C1orf167: variants seen among roughly 807,000 people sequenced by gnomAD.
C1orf167 encodes chromosome 1 open reading frame 167.
In C1orf167, 153 loss-of-function variants were observed where a neutral mutation model predicts 176.5. The observed-to-expected ratio is 0.87, with a 90% CI of 0.76 to 0.99. The LOEUF is 0.99. C1orf167 is among the 50% of genes least tolerant of loss of function. The pLI, the probability that C1orf167 is intolerant of heterozygous loss-of-function variation, is 0.00. For missense variants in C1orf167, 1,490 were observed against 1,817.7 expected (o/e 0.82, Z 3.28); for synonymous variants, 594 against 752.7 (o/e 0.79, Z 3.45).
At chr1:11,783,264 T>A (rs1019902285) in intron 14 of C1orf167, among the ~76,000 whole-genome samples, 1 of 152,034 alleles carries the variant, frequency 6.6e-6, no homozygotes, top group African/African-American at 2.4e-5. Context: ...GTTTGTTTTT[T>A]GAGACAGAGT....
Position 11,785,249 on chromosome 1 carries a change from T to C in C1orf167, c.3527T>C (p.Val1176Ala), listed in dbSNP as rs1570437495. 5.4e-6 allele frequency: 7 copies of C among 1,290,640 alleles called. No homozygotes were observed. The highest frequency in any genetic ancestry group is 7.1e-6 in the Non-Finnish European group (7 of 988,228). 79.9% of individuals were successfully genotyped at this position (1,290,640 alleles called of 1,614,324 possible). ...PAELRRFLRT[V>A]QLRVRLGLPG... Reference sequence around the variant, plus strand: ...GAGCTCAGGCGCTTCCTGCGGACAGTGCAGCTCAGGGTGCGGCTGGGACTG... The same window carrying C: ...GAGCTCAGGCGCTTCCTGCGGACAGCGCAGCTCAGGGTGCGGCTGGGACTG... The change falls in exon 16 of 21, where the codon GTG (valine) becomes GCG (alanine). Residue 1176 changes from valine (V) to alanine (A), a missense_variant. Transcript: ENST00000688073.
rs1445673588 is a variant in C1orf167, at chr1:11,767,020, C to T, written c.1234C>T (p.His412Tyr). Reference protein sequence around the residue: ...GEEGAPRERVHREEERTAFHL... With the variant: ...GEEGAPRERVYREEERTAFHL... ...GGAGGGGGCCCCGAGGGAGCGGGTCCACAGGGAGGAGGAGAGGACAGCTTT... is the reference window on the plus strand; with the variant it reads ...GGAGGGGGCCCCGAGGGAGCGGGTCTACAGGGAGGAGGAGAGGACAGCTTT... The change falls in exon 3 of 21, where the codon CAC (histidine) becomes TAC (tyrosine). Residue 412 changes from histidine (H) to tyrosine (Y), a missense_variant. Coordinates refer to ENST00000688073, the MANE Select transcript of C1orf167 (RefSeq NM_001010881.2). The T allele has an allele frequency of 1.6e-6, 2 of 1,215,934 alleles. No individual in the cohort carries two copies. The highest frequency in any genetic ancestry group is 2.1e-6 in the Non-Finnish European group (2 of 952,384). 75.3% of individuals were successfully genotyped at this position (1,215,934 alleles called of 1,614,324 possible). A position where few individuals can be genotyped will look rare whatever the true frequency, so the allele number is the denominator to read the frequency against.
chr1:11,771,486 C>T (rs72638684), intron 6 of C1orf167, 38 bp from the exon 7 acceptor site: 134,183 of 1,257,002 alleles, frequency 0.11, 7,686 homozygotes, highest in South Asian at 0.17. Flanking sequence ...CCCTTCCTCC[C>T]GGGTCATCAG....
chr1:11,777,799 C>T (rs953753833), intron 10 of C1orf167: 6 of 152,244 alleles, frequency 3.9e-5, no homozygotes, highest in Non-Finnish European at 8.8e-5. Flanking sequence ...ATGCCTGCCC[C>T]ACAACCCCCA....
chr1:11,771,081 T>A (rs1441368140), intron 6 of C1orf167, among the ~76,000 whole-genome samples: 2,309 of 111,298 alleles, frequency 0.021, 81 homozygotes, highest in South Asian at 0.07. Context: ...TTTTTTTTTT[T>A]TTTTTTTTTT....
At position 11,768,890 on chromosome 1, in the gene C1orf167, C is replaced by G. The variant is rs6540998; in HGVS notation, c.1543-83C>G. 0.012 allele frequency: 11,056 copies of G among 937,586 alleles called. 894 individuals are homozygous for G. The African/African-American group carries it at 0.18, about 15-fold the overall frequency. 58.1% of individuals were successfully genotyped at this position (937,586 alleles called of 1,614,324 possible). A position where few individuals can be genotyped will look rare whatever the true frequency, so the allele number is the denominator to read the frequency against. ...TGTGGAATCTGATAGGCATGTGTTA[C>G]TCCTGTCCCCGCCCCTGCCTGGTGT... On this transcript the variant is annotated intron_variant, in intron 5 of 20. Coordinates refer to ENST00000688073, the MANE Select transcript of C1orf167 (RefSeq NM_001010881.2). The surrounding 1 kb of genome is among the most constrained non-coding windows in gnomAD (Gnocchi z 4.5).
chr1:11,779,447 T>A (rs1317498399), intron 12 of C1orf167: 1 of 226,664 alleles, frequency 4.4e-6, no homozygotes, highest in East Asian at 1.2e-4. Context: ...AAAATGGGGT[T>A]AATAGTACTG....
At position 11,787,921 on chromosome 1, in the gene C1orf167, G is replaced by C; in HGVS notation, c.3722G>C (p.Trp1241Ser). The change falls in exon 18 of 21, where the codon TGG (tryptophan) becomes TCG (serine). Residue 1241 changes from tryptophan (W) to serine (S), a missense_variant. By Grantham distance (177) the Trp-to-Ser change is radical. Transcript: ENST00000688073. The stretch of plus-strand genomic sequence containing the variant: ...CCTGCCTTCCAGCTCTGGCCACAGT[G>C]GCCTGGACAGAGTAGCTGGGTCCCA... Reference protein sequence around the residue: ...LCPAFQLWPQWPGQSSWVPGL... With the variant: ...LCPAFQLWPQSPGQSSWVPGL... The C allele has an allele frequency of 7.7e-7, 1 of 1,299,686 alleles. No homozygotes were observed. Among genetic ancestry groups the C allele is most frequent in the Non-Finnish European group, 1.0e-6 (1 of 986,448 alleles). 80.5% of individuals were successfully genotyped at this position (1,299,686 alleles called of 1,614,324 possible).
intron 13 of C1orf167, among the ~76,000 whole-genome samples, chr1:11,781,080 C>A (rs942847194): frequency 7.0e-6 from 1 of 143,556 alleles, no homozygotes; most frequent in Non-Finnish European, 1.5e-5. Flanking sequence ...TCACTGCAAC[C>A]TCCACCCCCT....
At chr1:11,784,134 C>G (rs1401921851) in intron 14 of C1orf167, 40 bp from the exon 15 acceptor site, 2 of 1,207,450 alleles carry the variant, frequency 1.7e-6, no homozygotes, top group African/African-American at 3.2e-5. Context: ...GGATTACAAG[C>G]ATGAGCCACC....
rs528195147 is a variant in C1orf167 at position 11,779,838 on chromosome 1, A to G, written c.2688A>G (p.Gln896=). Residue 896 remains glutamine (Q), a synonymous_variant, in exon 13 of 21, where the codon CAA becomes CAG. Transcript: ENST00000688073. ...GCTGGAGCCGCTGGGCAACAGCCCA[A>G]TGGGCCTGGAGAGAGCTGGCTTCCC... is the stretch of plus-strand genomic sequence containing the variant. The part of the protein sequence containing the change: ...FLSWSRWATA[Q]WAWRELASHR... 195 of 1,302,766 alleles carry G rather than the reference A, an allele frequency of 1.5e-4. 1 individual carries two copies. The African/African-American group carries it at 1.7e-3, about 11-fold the overall frequency. 80.7% of individuals were successfully genotyped at this position (1,302,766 alleles called of 1,614,324 possible). A position where few individuals can be genotyped will look rare whatever the true frequency, so the allele number is the denominator to read the frequency against.
chr1:11,772,915 T>TA (rs1570396926), intron 8 of C1orf167, among the ~76,000 whole-genome samples: 13 of 151,390 alleles, frequency 8.6e-5, no homozygotes, highest in African/African-American at 2.9e-4. Flanking sequence ...TTATTATTAT[T>TA]TGAGACGGAG....
chr1:11,774,396 C>T (rs1210345418), intron 8 of C1orf167, among the ~76,000 whole-genome samples: 1 of 152,126 alleles, frequency 6.6e-6, no homozygotes, highest in Non-Finnish European at 1.5e-5. Flanking sequence ...TTTGATTGCA[C>T]GTTATTTGTT....
At chr1:11,783,554 G>GT (rs1570430187) in intron 14 of C1orf167, among the ~76,000 whole-genome samples, 2 of 151,968 alleles carry the variant, frequency 1.3e-5, no homozygotes, top group Non-Finnish European at 1.5e-5. Flanking sequence ...GCCGTAGATG[G>GT]TTTTTTTTCT....
chr1:11,771,652 C>A lies in C1orf167; in HGVS notation c.1810+16C>A. The stretch of plus-strand genomic sequence containing the variant: ...CAACTGGCTGGTGAGACGTGGGGTG[C>A]TGGGAAAGCGGGGAGATGGAGCCTG... On this transcript the variant is annotated intron_variant, in intron 7 of 20. Coordinates refer to ENST00000688073, the MANE Select transcript of C1orf167 (RefSeq NM_001010881.2). 1 of 1,287,118 alleles carries A rather than the reference C, an allele frequency of 7.8e-7. No individual in the cohort carries two copies. The highest frequency in any genetic ancestry group is 1.0e-6 in the Non-Finnish European group (1 of 986,496). 79.7% of individuals were successfully genotyped at this position (1,287,118 alleles called of 1,614,324 possible). A position where few individuals can be genotyped will look rare whatever the true frequency, so the allele number is the denominator to read the frequency against.
chr1:11,767,169 T>A, intron 3 of C1orf167, 52 bp from the exon 4 acceptor site: 1 of 1,287,938 alleles, frequency 7.8e-7, no homozygotes, highest in Non-Finnish European at 1.0e-6. Flanking sequence ...GGGTGCCCTG[T>A]CCTGCCTGCT....
At position 11,776,754 on chromosome 1, in the gene C1orf167, G is replaced by A. The variant is rs140362679; in HGVS notation, c.2339+116G>A. On this transcript the variant is annotated intron_variant, in intron 10 of 20. Transcript: ENST00000688073. ...AGGAATATCCCATAGGGCAGTAACT[G>A]CATCCCACTCCTCCCCGTGGCCCTG... 1,351 of 953,770 alleles carry A rather than the reference G, an allele frequency of 1.4e-3. 3 individuals carry two copies. The highest frequency in any genetic ancestry group is 3.8e-3 in the Admixed American group (79 of 21,038). The allele number at this position is 953,770 out of a possible 1,614,324, so 59.1% of individuals were successfully genotyped here.
At position 11,767,236 on chromosome 1, in the gene C1orf167, A is replaced by G; in HGVS notation, c.1315A>G (p.Ile439Val). 7.8e-7 allele frequency: 1 copy of G among 1,289,802 alleles called. No individual in the cohort carries two copies. Among genetic ancestry groups the G allele is most frequent in the Non-Finnish European group, 1.0e-6 (1 of 988,866 alleles). The allele number at this position is 1,289,802 out of a possible 1,614,324, so 79.9% of individuals were successfully genotyped here. Residue 439 changes from isoleucine to valine, a missense_variant, in exon 4 of 21, where the codon ATC becomes GTC. Physicochemically the swap from Ile to Val is conservative, Grantham distance 29. Transcript: ENST00000688073. The stretch of plus-strand genomic sequence containing the variant: ...GCTTTCCCAGAACAAGGCACAAAAC[A>G]TCACAGCCCCAGAGTCTGAGGCAAT... ...SSASKNKAQNITAPESEAICW... is the reference protein window; with the variant it reads ...SSASKNKAQNVTAPESEAICW...
In C1orf167 at chr1:11,770,990, GTGTGTGTGTGTA is replaced by G. The variant is rs1235218776; in HGVS notation, c.1698-532_1698-521del. On this transcript the variant is annotated intron_variant, in intron 6 of 20. Coordinates refer to ENST00000688073, the MANE Select transcript of C1orf167 (RefSeq NM_001010881.2). ...GGCTAATTTGTGTGTGTGTGTGTGT[GTGTGTGTGTGTA>G]TATATCACCTCTGGCAGCGTGTGTG... 2.7e-3 allele frequency among the ~76,000 whole-genome samples: 216 copies of G among 79,866 alleles called. 2 individuals carry two copies. The highest frequency in any genetic ancestry group is 5.7e-3 in the African/African-American group (158 of 27,514). The allele number at this position is 79,866 out of a possible 152,430, so 52.4% of individuals were successfully genotyped here. A position where few individuals can be genotyped will look rare whatever the true frequency, so the allele number is the denominator to read the frequency against.
Sources: allele counts gnomAD v4.1 joint callset (sites outside exome capture counted in the v4.1 genomes callset), GRCh38; gene constraint gnomAD v4.1.1; non-coding constraint Gnocchi (gnomAD v3.1); transcripts MANE v1.5; gene names NCBI Gene and HGNC (gene_info 2026-07-23, HGNC 2026-07-21).